The following PTPRM variants were observed in gnomAD, a reference collection of about 807,000 sequenced individuals.
The protein encoded by PTPRM is receptor-type tyrosine-protein phosphatase mu.
PTPRM carries 47 observed loss-of-function variants against 186.7 expected under a neutral mutation model. That is an observed-to-expected ratio of 0.25 (90% CI 0.20 to 0.32). The LOEUF (loss-of-function observed/expected upper bound fraction) is 0.32, where lower values mean the gene tolerates loss of function less well. Ranked by LOEUF, PTPRM falls within the 10% of genes least tolerant of loss-of-function variation. The probability of loss-of-function intolerance (pLI) is 1.00; values close to 1 mark genes in which losing one functional copy is unlikely to be tolerated. For missense variants in PTPRM, 1,494 were observed against 1,865.0 expected (o/e 0.80, Z 3.66); for synonymous variants, 668 against 674.9 (o/e 0.99, Z 0.16).
chr18:7,738,326 C>T (rs111561184), intron 1 of PTPRM, among the ~76,000 whole-genome samples: 24 of 152,284 alleles, frequency 1.6e-4, no homozygotes, highest in African/African-American at 4.3e-4. Flanking sequence ...GTTGTGGAAG[C>T]GTTTTCCCTG....
At chr18:7,671,807 T>C (rs986169958) in intron 1 of PTPRM, among the ~76,000 whole-genome samples, 1 of 152,194 alleles carries the variant, frequency 6.6e-6, no homozygotes, top group Non-Finnish European at 1.5e-5. Flanking sequence ...GGAGATAAGA[T>C]TTGAATTGTA....
chr18:8,208,343 T>C (rs1395523349), intron 14 of PTPRM, among the ~76,000 whole-genome samples: 2 of 152,200 alleles, frequency 1.3e-5, no homozygotes, highest in African/African-American at 4.8e-5. Context: ...GGTTCTAAGC[T>C]TTGGAGAACA....
intron 20 of PTPRM, among the ~76,000 whole-genome samples, chr18:8,297,475 C>A (rs567611866): frequency 6.6e-6 from 1 of 152,272 alleles, no homozygotes; most frequent in Non-Finnish European, 1.5e-5. Context: ...AGAAATGTTT[C>A]GTGTCTATGC....
chr18:8,252,461 T>G (rs930587963), intron 17 of PTPRM, 27 bp from the exon 18 acceptor site: 1 of 1,527,142 alleles, frequency 6.5e-7, no homozygotes, highest in African/African-American at 1.4e-5. Context: ...TCCTCCTTTT[T>G]TCTCCTGATA....
chr18:8,185,985 T>G (rs1405387409), intron 14 of PTPRM, among the ~76,000 whole-genome samples: 1 of 152,204 alleles, frequency 6.6e-6, no homozygotes, highest in Non-Finnish European at 1.5e-5. Flanking sequence ...CTATTTGTTA[T>G]TTGTTGGACA....
chr18:8,374,937 A>C (rs1452145149), intron 24 of PTPRM, among the ~76,000 whole-genome samples: 1 of 152,234 alleles, frequency 6.6e-6, no homozygotes, highest in Admixed American at 6.5e-5. Flanking sequence ...TTTACTTTTA[A>C]GATACAATAA....
At chr18:8,346,422 C>T (rs755754965) in intron 23 of PTPRM, among the ~76,000 whole-genome samples, 10 of 152,198 alleles carry the variant, frequency 6.6e-5, no homozygotes, top group Non-Finnish European at 1.5e-4. Flanking sequence ...AGAGAGCGCA[C>T]GCTCTGTGGT....
At chr18:7,639,176 G>A (rs113951333) in intron 1 of PTPRM, among the ~76,000 whole-genome samples, 6,470 of 152,156 alleles carry the variant, frequency 0.043, 153 homozygotes, top group East Asian at 0.094. Context: ...CAGGGTTCAC[G>A]CCATTCTCCT....
At chr18:8,247,734 C>A (rs2147334951) in intron 15 of PTPRM, 111 bp from the exon 16 acceptor site, 1 of 743,310 alleles carries the variant, frequency 1.3e-6, no homozygotes, top group East Asian at 2.5e-5. Context: ...ATCAGTGAGT[C>A]CCGGAGTCAC....
intron 19 of PTPRM, among the ~76,000 whole-genome samples, chr18:8,292,894 A>G (rs1295524902): frequency 1.3e-5 from 2 of 152,228 alleles, no homozygotes; most frequent in Non-Finnish European, 2.9e-5. Context: ...AAGTTGACTT[A>G]ATAGTGTTTT....
At chr18:8,083,554 C>A (rs917156588) in intron 9 of PTPRM, among the ~76,000 whole-genome samples, 3 of 152,104 alleles carry the variant, frequency 2.0e-5, no homozygotes, top group East Asian at 3.9e-4. Flanking sequence ...TATTTTAGCA[C>A]CCTATTCGTT....
chr18:7,926,096 T>A (rs2051158142), intron 4 of PTPRM, among the ~76,000 whole-genome samples: 1 of 152,230 alleles, frequency 6.6e-6, no homozygotes, highest in Non-Finnish European at 1.5e-5. Context: ...ACCAGTTAGT[T>A]GTATTAAAAT....
At chr18:8,075,156 A>C (rs490065) in intron 8 of PTPRM, among the ~76,000 whole-genome samples, 1 of 151,850 alleles carries the variant, frequency 6.6e-6, no homozygotes. Flanking sequence ...AGATTAATCT[A>C]TCCTCATTAA....
At chr18:7,924,529 A>G (rs557863389) in intron 4 of PTPRM, among the ~76,000 whole-genome samples, 5 of 152,302 alleles carry the variant, frequency 3.3e-5, no homozygotes, top group Middle Eastern at 3.4e-3. Context: ...TTTATATGGT[A>G]ACATTTCATT....
chr18:7,864,285 G>A (rs1041168286), intron 2 of PTPRM, among the ~76,000 whole-genome samples: 7 of 152,182 alleles, frequency 4.6e-5, no homozygotes, highest in African/African-American at 1.7e-4. Flanking sequence ...CATATGTCCT[G>A]AATGGTATTG....
intron 7 of PTPRM, among the ~76,000 whole-genome samples, chr18:8,022,892 C>A (rs1478638861): frequency 6.6e-6 from 1 of 152,152 alleles, no homozygotes; most frequent in Non-Finnish European, 1.5e-5. Flanking sequence ...GGAATAGCAA[C>A]TGGACAAGCT....
intron 22 of PTPRM, among the ~76,000 whole-genome samples, chr18:8,339,030 C>T (rs574329593): frequency 6.6e-6 from 1 of 152,228 alleles, no homozygotes; most frequent in South Asian, 2.1e-4. Context: ...GGGCACCCAT[C>T]ACCTGAATAT....
chr18:7,622,258 T>C (rs1292433705), intron 1 of PTPRM, among the ~76,000 whole-genome samples: 1 of 152,246 alleles, frequency 6.6e-6, no homozygotes, highest in Non-Finnish European at 1.5e-5. Flanking sequence ...TTTTTTTTGG[T>C]TTAAGAATCC....
At chr18:7,703,356 G>A (rs1214457667) in intron 1 of PTPRM, among the ~76,000 whole-genome samples, 1 of 152,084 alleles carries the variant, frequency 6.6e-6, no homozygotes, top group African/African-American at 2.4e-5. Context: ...CTTGAGCAGT[G>A]GTTTGTAGTT....
Sources: gnomAD v4.1 joint callset for allele counts (sites outside exome capture counted in the v4.1 genomes callset) on GRCh38, gnomAD v4.1.1 for gene constraint, MANE v1.5 for transcripts, NCBI Gene and HGNC (gene_info 2026-07-23, HGNC 2026-07-21) for gene names.